RBM46: variants seen among roughly 807,000 people sequenced by gnomAD.
RBM46 encodes probable RNA-binding protein 46.
RBM46 carries 12 observed loss-of-function variants against 43.3 expected under a neutral mutation model. The observed-to-expected ratio is 0.28, with a 90% CI of 0.18 to 0.45. The LOEUF (loss-of-function observed/expected upper bound fraction) is 0.45, where lower values mean the gene tolerates loss of function less well. Ranked by LOEUF, RBM46 falls within the 20% of genes least tolerant of loss-of-function variation. The pLI, the probability that RBM46 is intolerant of heterozygous loss-of-function variation, is 1.00. For missense variants in RBM46, 412 were observed against 639.1 expected, an observed-to-expected ratio of 0.64 and a Z score of 3.83; for synonymous variants, 205 against 207.6, an observed-to-expected ratio of 0.99 and a Z score of 0.11.
intron 4 of RBM46, among the ~76,000 whole-genome samples, chr4:154,814,306 A>G (rs1338295855): frequency 6.6e-6 from 1 of 151,974 alleles, no homozygotes. Context: ...TGTCTTGCCT[A>G]CTAAATAATC....
At chr4:154,826,838 C>T in intron 4 of RBM46, 2 of 1,516,964 alleles carry the variant, frequency 1.3e-6, no homozygotes, top group Non-Finnish European at 1.8e-6. Context: ...ACATTAAGTC[C>T]CATGACAACA....
intron 4 of RBM46, among the ~76,000 whole-genome samples, chr4:154,817,686 AT>A (rs1735520386): frequency 6.6e-6 from 1 of 152,034 alleles, no homozygotes; most frequent in South Asian, 2.1e-4. Flanking sequence ...GTTTAAAAAT[AT>A]TTTTTATGTT....
chr4:154,804,181 A>G lies in RBM46; in HGVS notation c.1402+4617A>G, dbSNP rs1233670824. Among the ~76,000 whole-genome samples, 6 of 152,180 alleles carry G rather than the reference A, an allele frequency of 3.9e-5. No individual in the cohort carries two copies. The East Asian group carries it at 1.2e-3, about 29-fold the overall frequency. ...CCAATTAAACCTCTTTTCTGTATAA[A>G]TTACCCAGTCTCAGGTATTCCTTTA... On this transcript the variant is annotated intron_variant, in intron 4 of 4. Transcript: ENST00000281722.
intron 4 of RBM46, among the ~76,000 whole-genome samples, chr4:154,806,919 G>A (rs748110929): frequency 1.4e-4 from 21 of 151,704 alleles, no homozygotes; most frequent in Non-Finnish European, 2.7e-4. Context: ...TGATGAAGGT[G>A]ATCCTTATTA....
At chr4:154,783,795 A>G (rs969420292) in intron 1 of RBM46, among the ~76,000 whole-genome samples, 1 of 152,228 alleles carries the variant, frequency 6.6e-6, no homozygotes, top group South Asian at 2.1e-4. Flanking sequence ...ACTTCTAGCA[A>G]TAAAATGTGC....
At chr4:154,805,359 A>G (rs1371436923) in intron 4 of RBM46, among the ~76,000 whole-genome samples, 2 of 152,102 alleles carry the variant, frequency 1.3e-5, no homozygotes, top group Non-Finnish European at 2.9e-5. Flanking sequence ...CATTCTTACA[A>G]TATCTTTTGT....
At chr4:154,782,250 C>G (rs1733523170) in intron 1 of RBM46, among the ~76,000 whole-genome samples, 1 of 152,170 alleles carries the variant, frequency 6.6e-6, no homozygotes, top group Non-Finnish European at 1.5e-5. Flanking sequence ...CTGGAAAAAC[C>G]ACAGAACCAG....
chr4:154,785,102 AAG>A (rs2111082178), intron 1 of RBM46, among the ~76,000 whole-genome samples: 1 of 152,048 alleles, frequency 6.6e-6, no homozygotes, highest in South Asian at 2.1e-4. Context: ...TTTTTTTCTA[AAG>A]AGAATATAGG....
rs533244718 is a variant in RBM46 at position 154,796,911 on chromosome 4, TTTG to T, written c.151+11_151+13del. ...TTGGCGGTCCTCCTCCAGGTGTGGATTTGTTTACAGTCTTTTAAATTTAATCTT... is the reference window on the plus strand; with the variant it reads ...TTGGCGGTCCTCCTCCAGGTGTGGATTTTACAGTCTTTTAAATTTAATCTT... On this transcript the variant is annotated intron_variant, in intron 2 of 4. Coordinates refer to ENST00000281722, the MANE Select transcript of RBM46 (RefSeq NM_144979.5). The T allele has an allele frequency of 4.3e-4, 690 of 1,610,282 alleles. 5 individuals carry two copies. The African/African-American group carries it at 8.0e-3, about 19-fold the overall frequency.
At chr4:154,826,380 C>A (rs1462567940) in intron 4 of RBM46, among the ~76,000 whole-genome samples, 2 of 152,064 alleles carry the variant, frequency 1.3e-5, no homozygotes, top group African/African-American at 4.8e-5. Context: ...ATTGCTTGAA[C>A]CCAGGAGGTG....
At chr4:154,806,515 T>A (rs916515881) in intron 4 of RBM46, among the ~76,000 whole-genome samples, 1 of 151,862 alleles carries the variant, frequency 6.6e-6, no homozygotes, top group Admixed American at 6.6e-5. Flanking sequence ...ATATTTTATG[T>A]CTGCAGAGAT....
intron 1 of RBM46, among the ~76,000 whole-genome samples, chr4:154,783,979 C>T (rs1349247679): frequency 6.6e-6 from 1 of 152,138 alleles, no homozygotes; most frequent in African/African-American, 2.4e-5. Flanking sequence ...TGAATTGCTG[C>T]TTAAAAACAA....
chr4:154,804,814 G>GTTTTTTTTTTTTTTTTT (rs575968520), intron 4 of RBM46, among the ~76,000 whole-genome samples: 1 of 113,250 alleles, frequency 8.8e-6, no homozygotes, highest in Non-Finnish European at 1.9e-5. Flanking sequence ...GATTAAGGTT[G>GTTTTTTTTTTTTTTTTT]TTTTTTTTTT....
chr4:154,788,700 G>GT (rs1228074604), intron 1 of RBM46, among the ~76,000 whole-genome samples: 1 of 152,170 alleles, frequency 6.6e-6, no homozygotes, highest in Non-Finnish European at 1.5e-5. Context: ...CTTTAAAGTA[G>GT]TTTTTTCCCA....
At position 154,783,708 on chromosome 4, in the gene RBM46, GT is replaced by G. The variant is rs578113981; in HGVS notation, c.-12+2279del. 7.8e-4 allele frequency among the ~76,000 whole-genome samples: 119 copies of G among 152,178 alleles called. 2 individuals are homozygous for G. The South Asian group carries it at 0.023, about 29-fold the overall frequency. On this transcript the variant is annotated intron_variant, in intron 1 of 4. Coordinates refer to ENST00000281722, the MANE Select transcript of RBM46 (RefSeq NM_144979.5). ...GTATTTTTTAAAAGTATTAGTTACA[GT>G]TTTTTTAAATAGTTCAATTTTTAAG...
intron 1 of RBM46, among the ~76,000 whole-genome samples, chr4:154,794,993 A>G (rs1359750072): frequency 1.3e-5 from 2 of 152,150 alleles, no homozygotes; most frequent in African/African-American, 4.8e-5. Flanking sequence ...GATGTAAGGA[A>G]TAGTGCATAG....
intron 1 of RBM46, chr4:154,790,569 A>G (rs1200780343): frequency 6.6e-6 from 1 of 152,234 alleles, no homozygotes; most frequent in Non-Finnish European, 1.5e-5. Context: ...AATACATCTT[A>G]AAATGAATTA....
intron 4 of RBM46, among the ~76,000 whole-genome samples, chr4:154,818,139 ACTT>A (rs1335826210): frequency 6.6e-6 from 1 of 152,156 alleles, no homozygotes; most frequent in Non-Finnish European, 1.5e-5. Flanking sequence ...TCGTTTTTAT[ACTT>A]AATATACATT....
chr4:154,794,394 A>G (rs1734249258), intron 1 of RBM46, among the ~76,000 whole-genome samples: 1 of 151,818 alleles, frequency 6.6e-6, no homozygotes, highest in African/African-American at 2.4e-5. Flanking sequence ...GTTAGCCAGG[A>G]TGATCTCGAC....
Sources: allele counts gnomAD v4.1 joint callset (sites outside exome capture counted in the v4.1 genomes callset), GRCh38; gene constraint gnomAD v4.1.1; transcripts MANE v1.5; gene names NCBI Gene and HGNC (gene_info 2026-07-23, HGNC 2026-07-21).